RAP1B: variants seen among roughly 807,000 people sequenced by gnomAD.
RAP1B encodes RAP1B, member of RAS oncogene family.
In RAP1B, 1 loss-of-function variant was observed where a neutral mutation model predicts 27.5. That is an observed-to-expected ratio of 0.04 (90% CI 0.01 to 0.17). The LOEUF (loss-of-function observed/expected upper bound fraction) is 0.17. Ranked by LOEUF, RAP1B falls within the 10% of genes least tolerant of loss-of-function variation. The pLI is 1.00. For missense variants in RAP1B, 84 were observed against 214.8 expected (o/e 0.39, Z 3.81); for synonymous variants, 75 against 73.1 (o/e 1.03, Z -0.13).
At chr12:68,638,194 T>C (rs571793485) in intron 1 of RAP1B, among the ~76,000 whole-genome samples, 3 of 152,210 alleles carry the variant, frequency 2.0e-5, no homozygotes, top group African/African-American at 7.2e-5. Flanking sequence ...TTTTCCTTGG[T>C]AGTCACTTGT....
At chr12:68,629,899 CTAAT>C (rs1280266055) in intron 1 of RAP1B, among the ~76,000 whole-genome samples, 6 of 152,314 alleles carry the variant, frequency 3.9e-5, no homozygotes, top group South Asian at 2.1e-4. Context: ...TATTTTGCAA[CTAAT>C]TAATTCATTT....
At chr12:68,643,655 A>G (rs1242784366) in intron 1 of RAP1B, among the ~76,000 whole-genome samples, 1 of 152,172 alleles carries the variant, frequency 6.6e-6, no homozygotes, top group Non-Finnish European at 1.5e-5. Context: ...GTACTTTTCC[A>G]ACATCAATAT....
At chr12:68,629,494 G>T (rs139248714) in intron 1 of RAP1B, among the ~76,000 whole-genome samples, 1 of 152,150 alleles carries the variant, frequency 6.6e-6, no homozygotes, top group African/African-American at 2.4e-5. Flanking sequence ...ATGTTAGACC[G>T]TGTGTATTTT....
chr12:68,632,051 T>G (rs1872275884), intron 1 of RAP1B, among the ~76,000 whole-genome samples: 1 of 134,984 alleles, frequency 7.4e-6, no homozygotes, highest in African/African-American at 3.7e-5. Context: ...TTACTGCAGG[T>G]TTTTTTTTTC....
At chr12:68,633,025 C>A (rs1374521246) in intron 1 of RAP1B, among the ~76,000 whole-genome samples, 1 of 152,088 alleles carries the variant, frequency 6.6e-6, no homozygotes, top group Non-Finnish European at 1.5e-5. Context: ...CTATTCACTG[C>A]GTGTTTTATT....
chr12:68,653,771 C>A (rs1479902975), intron 4 of RAP1B, among the ~76,000 whole-genome samples: 1 of 151,606 alleles, frequency 6.6e-6, no homozygotes, highest in African/African-American at 2.4e-5. Flanking sequence ...TACCGAAATA[C>A]AAGAAAAAAA....
chr12:68,626,791 T>C, intron 1 of RAP1B: 2 of 1,330,228 alleles, frequency 1.5e-6, no homozygotes, highest in South Asian at 1.3e-5. Flanking sequence ...TTTTGTTGTT[T>C]GTTTGTTTGT....
intron 1 of RAP1B, among the ~76,000 whole-genome samples, chr12:68,648,483 T>G (rs1873579372): frequency 6.6e-6 from 1 of 152,218 alleles, no homozygotes; most frequent in Non-Finnish European, 1.5e-5. Flanking sequence ...AGACCTGTGC[T>G]CTATCCTGGA....
intron 1 of RAP1B, among the ~76,000 whole-genome samples, chr12:68,640,738 T>C (rs943365241): frequency 6.6e-6 from 1 of 152,176 alleles, no homozygotes; most frequent in Admixed American, 6.5e-5. Flanking sequence ...TACAGTTGAA[T>C]CTTAGGAAGA....
intron 1 of RAP1B, among the ~76,000 whole-genome samples, chr12:68,639,927 G>T: frequency 6.6e-6 from 1 of 151,326 alleles, no homozygotes; most frequent in East Asian, 1.9e-4. Context: ...TGTAGCCTCT[G>T]CCTCCTGGGT....
rs1439652504 is a variant in RAP1B, at chr12:68,664,712, GA to G, written c.*5468del. 6.7e-6 allele frequency: 1 copy of G among 148,318 alleles called. No homozygotes were observed. The highest frequency in any genetic ancestry group is 2.5e-5 in the African/African-American group (1 of 40,778). The allele number at this position is 148,318 out of a possible 1,614,324, so 9.2% of individuals were successfully genotyped here. A position where few individuals can be genotyped will look rare whatever the true frequency, so the allele number is the denominator to read the frequency against. On this transcript the variant is annotated 3_prime_UTR_variant, in exon 8 of 8. Transcript: ENST00000250559. ...CAACAGAGTGAGACTGCAAAAAAAA[GA>G]AAAAGAAAAAAAAATCCAGTCTCTG...
intron 1 of RAP1B, among the ~76,000 whole-genome samples, chr12:68,627,675 TA>T (rs1871908692): frequency 6.6e-6 from 1 of 152,076 alleles, no homozygotes; most frequent in South Asian, 2.1e-4. Context: ...AACAGAAACA[TA>T]ATACCTAACT....
intron 1 of RAP1B, among the ~76,000 whole-genome samples, chr12:68,633,368 G>A (rs1383488392): frequency 6.6e-6 from 1 of 152,088 alleles, no homozygotes; most frequent in Non-Finnish European, 1.5e-5. Flanking sequence ...GCCTTGCCTG[G>A]TAGTTCTTTA....
At position 68,654,208 on chromosome 12, in the gene RAP1B, C is replaced by A; in HGVS notation, c.280C>A (p.Gln94Lys). The change falls in exon 5 of 8, where the codon CAA becomes AAA. Residue 94 changes from glutamine (Q) to lysine (K), a missense_variant. Physicochemically the swap from Gln to Lys is moderately conservative, Grantham distance 53. Coordinates refer to ENST00000250559, the MANE Select transcript of RAP1B (RefSeq NM_001010942.3). Reference protein sequence around the residue: ...ITAQSTFNDLQDLREQILRVK... With the variant: ...ITAQSTFNDLKDLREQILRVK... ...AGCACAGTCCACATTTAACGATTTA[C>A]AAGACCTGAGAGAACAGATTCTTCG... The A allele has an allele frequency of 6.2e-7, 1 of 1,603,886 alleles. No homozygotes were observed. Among genetic ancestry groups the A allele is most frequent in the Non-Finnish European group, 8.5e-7 (1 of 1,171,628 alleles).
At chr12:68,630,104 T>TTAGC (rs1858369600) in intron 1 of RAP1B, among the ~76,000 whole-genome samples, 1 of 152,224 alleles carries the variant, frequency 6.6e-6, no homozygotes, top group East Asian at 1.9e-4. Flanking sequence ...AACACTGCAC[T>TTAGC]TAGCTACAGG....
chr12:68,632,947 T>C lies in RAP1B; in HGVS notation c.-26-15752T>C, dbSNP rs548652297. Among the ~76,000 whole-genome samples the C allele has an allele frequency of 2.6e-5, 4 of 152,306 alleles. No individual in the cohort carries two copies. In the South Asian group the frequency reaches 6.2e-4, roughly 24 times the overall value. ...AGCAAGACTGAAGTAACTGGGACTA[T>C]AGATGTGAGCTATCATGCCCAGTTG... is the stretch of plus-strand genomic sequence containing the variant. On this transcript the variant is annotated intron_variant, in intron 1 of 7. Transcript: ENST00000250559.
At chr12:68,625,815 G>A (rs986681676) in intron 1 of RAP1B, among the ~76,000 whole-genome samples, 2 of 152,002 alleles carry the variant, frequency 1.3e-5, no homozygotes, top group Non-Finnish European at 2.9e-5. Flanking sequence ...CTAGCTACTC[G>A]GGAGGCTGAG....
rs768571091 is a variant in RAP1B at position 68,615,334 on chromosome 12, TA to T, written c.-27+4295del. Among the ~76,000 whole-genome samples the T allele has an allele frequency of 4.6e-5, 7 of 152,304 alleles. No homozygotes were observed. The South Asian group carries it at 1.4e-3, about 32-fold the overall frequency. On this transcript the variant is annotated intron_variant, in intron 1 of 7. Transcript: ENST00000250559. ...CCAGTTTTTTTTAATTTAAATTCCC[TA>T]AAATAAAAATATTTACAACATGAGT...
intron 5 of RAP1B, 91 bp downstream of exon 5, chr12:68,654,343 A>G: frequency 5.9e-6 from 1 of 170,846 alleles, no homozygotes; most frequent in Non-Finnish European, 9.4e-6. Context: ...AAGCTTGTGT[A>G]TTTTGGTTGG....
Sources: allele counts gnomAD v4.1 joint callset (sites outside exome capture counted in the v4.1 genomes callset), GRCh38; gene constraint gnomAD v4.1.1; transcripts MANE v1.5; gene names NCBI Gene and HGNC (gene_info 2026-07-23, HGNC 2026-07-21).